RYR2: variants seen among roughly 807,000 people sequenced by gnomAD.
RYR2 encodes the protein cardiac muscle ryanodine receptor-calcium release channel.
A neutral mutation model predicts 601.1 loss-of-function variants in RYR2; 227 were observed. The observed-to-expected ratio is 0.38, with a 90% confidence interval of 0.34 to 0.42. The LOEUF (loss-of-function observed/expected upper bound fraction) is 0.42. Among genes scored for constraint, RYR2 ranks in the 10% least tolerant of loss-of-function variants. The probability of loss-of-function intolerance (pLI) is 1.00; values close to 1 mark genes in which losing one functional copy is unlikely to be tolerated. For synonymous variants in RYR2, 2,223 were observed against 2,175.1 expected (o/e 1.02, Z -0.61); for missense variants, 4,646 against 6,156.5 (o/e 0.75, Z 8.21).
chr1:237,208,960 A>ATATATATATATGTG (rs1558427871), intron 1 of RYR2, among the ~76,000 whole-genome samples: 25 of 103,008 alleles, frequency 2.4e-4, no homozygotes, highest in Non-Finnish European at 4.6e-4. Context: ...ATATATATAT[A>ATATATATATATGTG]TATATATATA....
At chr1:237,328,767 T>C (rs1696410068) in intron 2 of RYR2, among the ~76,000 whole-genome samples, 1 of 152,172 alleles carries the variant, frequency 6.6e-6, no homozygotes. Context: ...AAAGCATCAT[T>C]TTATGCTGTG....
intron 2 of RYR2, among the ~76,000 whole-genome samples, chr1:237,286,369 T>C (rs1367176794): frequency 6.6e-6 from 1 of 151,970 alleles, no homozygotes; most frequent in Non-Finnish European, 1.5e-5. Context: ...TTTATGCCAC[T>C]GTGGTCTGAG....
At chr1:237,058,718 A>G (rs1338145588) in intron 1 of RYR2, among the ~76,000 whole-genome samples, 2 of 140,202 alleles carry the variant, frequency 1.4e-5, no homozygotes, top group Non-Finnish European at 3.0e-5. Context: ...GAAGCTTGAG[A>G]CCAGCCTTCC....
At chr1:237,509,781 A>G (rs1665693670) in intron 23 of RYR2, among the ~76,000 whole-genome samples, 1 of 152,218 alleles carries the variant, frequency 6.6e-6, no homozygotes, top group Non-Finnish European at 1.5e-5. Flanking sequence ...GGCTTCCAGG[A>G]GGAGGTAAAT....
intron 17 of RYR2, 81 bp downstream of exon 17, chr1:237,469,268 A>ACAAAAAAAAAAC (rs967246642): frequency 1.3e-6 from 1 of 790,750 alleles, no homozygotes; most frequent in African/African-American, 1.8e-5. Flanking sequence ...CAAAAAAAAA[A>ACAAAAAAAAAAC]AAAAAAAAAA....
At chr1:237,722,948 G>T (rs1454565483) in intron 73 of RYR2, among the ~76,000 whole-genome samples, 180 bp from the exon 74 acceptor site, 1 of 152,152 alleles carries the variant, frequency 6.6e-6, no homozygotes, top group Non-Finnish European at 1.5e-5. Context: ...TAATCACCAT[G>T]CTGTACATTA....
chr1:237,795,834 G>A (rs1229419350), intron 96 of RYR2, among the ~76,000 whole-genome samples: 2 of 39,208 alleles, frequency 5.1e-5, no homozygotes, highest in African/African-American at 1.3e-4. Flanking sequence ...ATGTGTGTGT[G>A]TGTATATATA....
chr1:237,048,171 G>A (rs1660823641), intron 1 of RYR2, among the ~76,000 whole-genome samples: 1 of 152,206 alleles, frequency 6.6e-6, no homozygotes, highest in Non-Finnish European at 1.5e-5. Flanking sequence ...TGTGGCTCCA[G>A]TGTGATCCTA....
chr1:237,068,888 A>T (rs990505040), intron 1 of RYR2, among the ~76,000 whole-genome samples: 1 of 152,088 alleles, frequency 6.6e-6, no homozygotes, highest in African/African-American at 2.4e-5. Context: ...TAGGTGAGCC[A>T]GTTGAGAAAA....
chr1:237,507,241 G>A (rs1241934745), intron 23 of RYR2, among the ~76,000 whole-genome samples: 6 of 152,180 alleles, frequency 3.9e-5, no homozygotes, highest in African/African-American at 9.7e-5. Context: ...GTGTAAAAGC[G>A]GAAACCTGTG....
At chr1:237,181,667 C>T (rs1426718448) in intron 1 of RYR2, among the ~76,000 whole-genome samples, 1 of 152,228 alleles carries the variant, frequency 6.6e-6, no homozygotes, top group Non-Finnish European at 1.5e-5. Flanking sequence ...ACCCATCAGC[C>T]TCCACATCCT....
At chr1:237,398,888 G>T (rs1187900837) in intron 10 of RYR2, among the ~76,000 whole-genome samples, 9 of 152,150 alleles carry the variant, frequency 5.9e-5, no homozygotes, top group African/African-American at 2.2e-4. Flanking sequence ...AAATGGAATG[G>T]TCTATTGAAA....
chr1:237,153,745 G>A (rs1246515136), intron 1 of RYR2, among the ~76,000 whole-genome samples: 1 of 151,954 alleles, frequency 6.6e-6, no homozygotes. Context: ...AAATTTAGAT[G>A]ATGCTTCTCT....
At chr1:237,564,045 A>G (rs1228572751) in intron 27 of RYR2, among the ~76,000 whole-genome samples, 2 of 152,172 alleles carry the variant, frequency 1.3e-5, no homozygotes, top group Non-Finnish European at 2.9e-5. Context: ...AACATAATTA[A>G]AAATAAGGAT....
chr1:237,496,891 A>C (rs1664132141), intron 20 of RYR2, 139 bp downstream of exon 20: 18 of 1,020,384 alleles, frequency 1.8e-5, no homozygotes, highest in Admixed American at 4.7e-5. Context: ...ATGATGAGTA[A>C]GAGTGTTGAG....
chr1:237,381,684 C>T (rs930787658), intron 8 of RYR2, among the ~76,000 whole-genome samples: 1 of 152,118 alleles, frequency 6.6e-6, no homozygotes, highest in Non-Finnish European at 1.5e-5. Context: ...TGAGAACATG[C>T]CTTGTGGACA....
In RYR2 at chr1:237,424,025, T is replaced by TA. The variant is rs545133137; in HGVS notation, c.1005+784dup. ...TGTGAAGGAGAAAGCGTCAAACACTTAAAAAAACCATCAGGTCTCACGAGA... is the reference window on the plus strand; with the variant it reads ...TGTGAAGGAGAAAGCGTCAAACACTTAAAAAAAACCATCAGGTCTCACGAGA... On this transcript the variant is annotated intron_variant, in intron 12 of 104. Coordinates refer to ENST00000366574, the MANE Select transcript of RYR2 (RefSeq NM_001035.3). Among the ~76,000 whole-genome samples, 374 of 151,814 alleles carry TA rather than the reference T, an allele frequency of 2.5e-3. 4 individuals carry two copies. The highest frequency in any genetic ancestry group is 8.6e-3 in the African/African-American group (354 of 41,372).
intron 1 of RYR2, among the ~76,000 whole-genome samples, chr1:237,065,134 TA>T (rs1184137603): frequency 6.6e-6 from 1 of 152,176 alleles, no homozygotes; most frequent in Admixed American, 6.5e-5. Flanking sequence ...AGTACAATAT[TA>T]AAAGCAGAAA....
At chr1:237,128,013 C>G (rs1310705861) in intron 1 of RYR2, among the ~76,000 whole-genome samples, 4 of 152,188 alleles carry the variant, frequency 2.6e-5, no homozygotes, top group East Asian at 1.9e-4. Flanking sequence ...AATCTCGGCA[C>G]TTTGGGAGGC....
Sources: allele counts gnomAD v4.1 joint callset (sites outside exome capture counted in the v4.1 genomes callset), GRCh38; gene constraint gnomAD v4.1.1; transcripts MANE v1.5; gene names NCBI Gene and HGNC (gene_info 2026-07-23, HGNC 2026-07-21).